Variants in SPTBN1 observed in about 807,000 individuals in gnomAD.
SPTBN1 encodes the protein spectrin beta, non-erythrocytic 1, also known as spectrin beta chain, non-erythrocytic 1.
In SPTBN1, 32 loss-of-function variants were observed where a neutral mutation model predicts 266.4. That is an observed-to-expected ratio of 0.12 (90% confidence interval 0.09 to 0.16). SPTBN1 has a LOEUF of 0.16. SPTBN1 is among the 10% of genes least tolerant of loss of function. The pLI is 1.00. For synonymous variants in SPTBN1, 1,336 were observed against 1,162.2 expected (o/e 1.15, Z -3.04); for missense variants, 2,296 against 3,067.1 (o/e 0.75, Z 5.94).
chr2:54,520,728 A>G (rs996161969), intron 1 of SPTBN1, among the ~76,000 whole-genome samples: 1 of 140,672 alleles, frequency 7.1e-6, no homozygotes, highest in Non-Finnish European at 1.5e-5. Flanking sequence ...TCTTTTTGAA[A>G]CCTAGTCACA....
intron 2 of SPTBN1, among the ~76,000 whole-genome samples, chr2:54,529,175 C>G (rs1342195894): frequency 2.6e-5 from 4 of 152,330 alleles, no homozygotes; most frequent in Non-Finnish European, 2.9e-5. Flanking sequence ...AGGTGATGCC[C>G]TGGCTTGGGG....
chr2:54,649,577 A>G lies in SPTBN1; in HGVS notation c.5203-38A>G. 2 of 1,594,456 alleles carry G rather than the reference A, an allele frequency of 1.3e-6. No individual in the cohort carries two copies. The highest frequency in any genetic ancestry group is 1.1e-5 in the South Asian group (1 of 88,970). On this transcript the variant is annotated intron_variant, in intron 25 of 35. Transcript: ENST00000356805. The surrounding 1 kb of genome is among the most constrained non-coding windows in gnomAD (Gnocchi z 6.7). ...TGTGATCAAGAAATACAGAGTTCAC[A>G]GTGGGCTCTCTGATTTCCTTACCCA...
In SPTBN1 at chr2:54,526,453, T is replaced by C. The variant is rs761388241; in HGVS notation, c.35T>C (p.Ile12Thr). The C allele has an allele frequency of 8.7e-6, 14 of 1,613,976 alleles. No homozygotes were observed. The highest frequency in any genetic ancestry group is 1.7e-5 in the Admixed American group (1 of 59,984). Residue 12 changes from isoleucine (I) to threonine (T), a missense_variant, in exon 2 of 36, where the codon ATT becomes ACT. Ile to Thr is a moderately conservative substitution (Grantham distance 89). Transcript: ENST00000356805. ...TTTVATDYDN[I>T]EIQQQYSDVN... is the part of the protein sequence containing the mutation. ...ACAGTAGCCACAGACTATGACAACA[T>C]TGAGATCCAGCAGCAGTACAGTGAT...
intron 1 of SPTBN1, among the ~76,000 whole-genome samples, chr2:54,498,260 G>A (rs778895198): frequency 1.3e-5 from 2 of 152,140 alleles, no homozygotes; most frequent in African/African-American, 4.8e-5. Context: ...GGGAATGTTC[G>A]GTAGACTTGC....
intron 2 of SPTBN1, among the ~76,000 whole-genome samples, chr2:54,566,431 A>AC (rs1044181191): frequency 3.4e-4 from 51 of 150,994 alleles, no homozygotes; most frequent in African/African-American, 9.0e-4. Context: ...CAGGTGATCC[A>AC]CCCCCCTTGG....
intron 1 of SPTBN1, among the ~76,000 whole-genome samples, chr2:54,486,520 CAGCATGCTCGTTAAG>C (rs1302561376): frequency 6.6e-6 from 1 of 152,058 alleles, no homozygotes; most frequent in Non-Finnish European, 1.5e-5. Context: ...TGCTTGAAGG[CAGCATGCTCGTTAAG>C]AGTCATCACC....
chr2:54,661,091 T>C (rs1260224907), intron 32 of SPTBN1: 3 of 985,284 alleles, frequency 3.0e-6, no homozygotes, highest in Non-Finnish European at 3.6e-6. Flanking sequence ...GTAGACAAAC[T>C]CCACTGTACA....
intron 15 of SPTBN1, 75 bp downstream of exon 15, chr2:54,630,104 G>A (rs1240316073): frequency 5.2e-6 from 8 of 1,543,054 alleles, no homozygotes; most frequent in South Asian, 2.4e-5. Flanking sequence ...ATCGAGCTTT[G>A]CTGTTGGGAA....
chr2:54,540,271 T>A lies in SPTBN1; in HGVS notation c.148+13705T>A, dbSNP rs368768048. ...CAGCTGATTGATAGAATCCTGGAGT[T>A]TAATCTTTCTCCTACCAGAATATTT... On this transcript the variant is annotated intron_variant, in intron 2 of 35. Transcript: ENST00000356805. The surrounding 1 kb of genome is among the most constrained non-coding windows in gnomAD (Gnocchi z 5.6). 7.2e-5 allele frequency among the ~76,000 whole-genome samples: 11 copies of A among 152,142 alleles called. No individual in the cohort carries two copies. In the East Asian group the frequency reaches 1.7e-3, roughly 24 times the overall value.
intron 1 of SPTBN1, among the ~76,000 whole-genome samples, chr2:54,492,338 G>GGTTTTTTTTTTTTTTTTTTTTTTTTTTT (rs1558775035): frequency 8.5e-6 from 1 of 118,112 alleles, no homozygotes. Context: ...TTTGTCTGCA[G>GGTTTTTTTTTTTTTTTTTTTTTTTTTTT]TTGTTTTTTT....
Position 54,626,177 on chromosome 2 carries a change from G to T in SPTBN1, c.1587G>T (p.Gly529=), listed in dbSNP as rs879070567. The change falls in exon 12 of 36, where the codon GGG becomes GGT. Residue 529 remains glycine (G), a synonymous_variant. Transcript: ENST00000356805. This position sits in a 1 kb window ranked among gnomAD's most constrained non-coding sequence, Gnocchi z 4.7. ...ARRQRLEMNL[G]LQKIFQEMLY... The stretch of plus-strand genomic sequence containing the variant: ...GACAGCGGCTCGAGATGAACCTGGG[G>T]CTGCAGAAGATATTCCAGGAAATGC... 1.9e-6 allele frequency: 3 copies of T among 1,614,240 alleles called. No homozygotes were observed. The highest frequency in any genetic ancestry group is 2.5e-6 in the Non-Finnish European group (3 of 1,180,046).
rs978175840 is a variant in SPTBN1, at chr2:54,629,183, C to T, written c.2049C>T (p.Phe683=). ...VMRLLSKHRA[F]EDEMSGRSGH... ...GCCTGCTCAGCAAGCACCGGGCGTT[C>T]GAGGACGAGATGAGCGGCCGCAGTG... The change falls in exon 14 of 36, where the codon TTC becomes TTT. Residue 683 remains phenylalanine (F), a synonymous_variant. Transcript: ENST00000356805. The T allele has an allele frequency of 5.0e-6, 8 of 1,613,458 alleles. No individual in the cohort carries two copies. Among genetic ancestry groups the T allele is most frequent in the African/African-American group, 4.0e-5 (3 of 74,938 alleles).
At chr2:54,466,360 A>AAAGTTCATGAGCCTATTAACATTG (rs1192411048) in intron 1 of SPTBN1, among the ~76,000 whole-genome samples, 3 of 90,230 alleles carry the variant, frequency 3.3e-5, no homozygotes, top group Admixed American at 1.1e-4. Context: ...TTATTCTTCG[A>AAAGTTCATGAGCCTATTAACATTG]GACCATCCTG....
chr2:54,462,432 A>C (rs1392245193), intron 1 of SPTBN1, among the ~76,000 whole-genome samples: 2 of 152,244 alleles, frequency 1.3e-5, no homozygotes, highest in Non-Finnish European at 2.9e-5. Flanking sequence ...TGGTTCTTGA[A>C]AGTAATGTAA....
At chr2:54,655,799 T>G in intron 28 of SPTBN1, 115 bp from the exon 29 acceptor site, 1 of 718,546 alleles carries the variant, frequency 1.4e-6, no homozygotes, top group Non-Finnish European at 2.4e-6. Context: ...CTTAGATATC[T>G]CCCAGCTTAA....
chr2:54,661,027 G>A (rs941465164), intron 32 of SPTBN1: 23 of 985,370 alleles, frequency 2.3e-5, no homozygotes, highest in East Asian at 1.1e-4. Flanking sequence ...TTGGTGGACC[G>A]TGCCTGGGAG....
Position 54,643,015 on chromosome 2 carries a change from A to G in SPTBN1, c.3891A>G (p.Thr1297=). ...TCTGGATCAATGAGAAGATGCTCAC[A>G]GCCCAGGACATGTCTTACGATGAAG... ...LSLWINEKML[T]AQDMSYDEAR... Residue 1297 remains threonine (T), a synonymous_variant, in exon 19 of 36, where the codon ACA becomes ACG. Transcript: ENST00000356805. The G allele has an allele frequency of 6.2e-7, 1 of 1,613,854 alleles. No individual in the cohort carries two copies. The highest frequency in any genetic ancestry group is 2.2e-5 in the East Asian group (1 of 44,876).
At position 54,558,991 on chromosome 2, in the gene SPTBN1, C is replaced by A. The variant is rs1673084243; in HGVS notation, c.148+32425C>A. ...AGACGGGCGGCTTCACAGCTCGGCC[C>A]CAGACCCTGTGGTTGGCTGCGGGCA... is the stretch of plus-strand genomic sequence containing the variant. On this transcript the variant is annotated intron_variant, in intron 2 of 35. Transcript: ENST00000356805. The surrounding 1 kb of genome is among the most constrained non-coding windows in gnomAD (Gnocchi z 4.6). 1 of 1,370,090 alleles carries A rather than the reference C, an allele frequency of 7.3e-7. No individual in the cohort carries two copies. The highest frequency in any genetic ancestry group is 2.6e-5 in the Admixed American group (1 of 38,172). The allele number at this position is 1,370,090 out of a possible 1,614,324, so 84.9% of individuals were successfully genotyped here.
chr2:54,515,916 A>G (rs1333266833), intron 1 of SPTBN1: 1 of 151,988 alleles, frequency 6.6e-6, no homozygotes. Flanking sequence ...AAAGAATACA[A>G]TTTTTTGCCT....
Sources: allele counts gnomAD v4.1 joint callset (sites outside exome capture counted in the v4.1 genomes callset), GRCh38; gene constraint gnomAD v4.1.1; non-coding constraint Gnocchi (gnomAD v3.1); transcripts MANE v1.5; gene names NCBI Gene and HGNC (gene_info 2026-07-23, HGNC 2026-07-21).